Variants in NCAM2 observed in about 807,000 individuals in gnomAD.
NCAM2 encodes the protein neural cell adhesion molecule 2.
NCAM2 carries 30 observed loss-of-function variants against 98.1 expected under a neutral mutation model. The ratio of observed to expected loss-of-function variants is 0.31; its 90% CI spans 0.23 to 0.41. The LOEUF (loss-of-function observed/expected upper bound fraction) is 0.41, where lower values mean the gene tolerates loss of function less well. NCAM2 is among the 10% of genes least tolerant of loss of function. The pLI is 1.00. For synonymous variants in NCAM2, 368 were observed against 342.4 expected (o/e 1.07, Z -0.83); for missense variants, 867 against 1,005.8 (o/e 0.86, Z 1.87).
At chr21:21,461,743 G>C (rs1377196672) in intron 12 of NCAM2, among the ~76,000 whole-genome samples, 1 of 151,792 alleles carries the variant, frequency 6.6e-6, no homozygotes, top group Non-Finnish European at 1.5e-5. Context: ...TATTATGCAA[G>C]TAATGAGAAC....
chr21:21,053,998 C>T (rs895556281), intron 1 of NCAM2, among the ~76,000 whole-genome samples: 3 of 150,620 alleles, frequency 2.0e-5, no homozygotes, highest in South Asian at 2.1e-4. Context: ...TTATGATTTC[C>T]GTGTAAGTTT....
chr21:21,481,417 G>T (rs1005126905), intron 15 of NCAM2, among the ~76,000 whole-genome samples: 4 of 152,188 alleles, frequency 2.6e-5, no homozygotes, highest in African/African-American at 9.7e-5. Context: ...CTGCTGAAAG[G>T]TCAATGGAAC....
At chr21:21,316,694 C>A (rs2147754704) in intron 5 of NCAM2, among the ~76,000 whole-genome samples, 1 of 152,038 alleles carries the variant, frequency 6.6e-6, no homozygotes, top group East Asian at 1.9e-4. Context: ...CAGGTGCCTA[C>A]CACCACGCTC....
chr21:21,497,468 G>C (rs1987322405), intron 15 of NCAM2, among the ~76,000 whole-genome samples: 1 of 151,916 alleles, frequency 6.6e-6, no homozygotes, highest in South Asian at 2.1e-4. Context: ...TTCTTGCCCT[G>C]AATCAGATAT....
intron 9 of NCAM2, among the ~76,000 whole-genome samples, chr21:21,407,047 G>T (rs2076753304): frequency 1.3e-5 from 2 of 152,068 alleles, no homozygotes; most frequent in African/African-American, 4.8e-5. Flanking sequence ...AACCTTTCAT[G>T]ATGTAAAGGG....
At chr21:21,310,946 G>A (rs2074030379) in intron 5 of NCAM2, among the ~76,000 whole-genome samples, 1 of 152,178 alleles carries the variant, frequency 6.6e-6, no homozygotes, top group Admixed American at 6.5e-5. Context: ...AAGTCCCACA[G>A]TTGAGACCTA....
intron 12 of NCAM2, among the ~76,000 whole-genome samples, chr21:21,451,374 A>G (rs1243410828): frequency 6.6e-6 from 1 of 152,204 alleles, no homozygotes; most frequent in African/African-American, 2.4e-5. Context: ...AGAATCCACA[A>G]GCTTTTCTGG....
intron 11 of NCAM2, among the ~76,000 whole-genome samples, chr21:21,430,074 C>G (rs2077298099): frequency 6.6e-6 from 1 of 151,970 alleles, no homozygotes; most frequent in Non-Finnish European, 1.5e-5. Flanking sequence ...GTTGCCCAGG[C>G]TGGATTTGCA....
intron 16 of NCAM2, among the ~76,000 whole-genome samples, chr21:21,522,546 GACAA>G (rs1182440689): frequency 3.3e-5 from 5 of 150,540 alleles, no homozygotes; most frequent in Non-Finnish European, 3.0e-5. Flanking sequence ...TCCTTTCTCA[GACAA>G]ACAAAAATAG....
chr21:21,151,092 A>G (rs1301721787), intron 1 of NCAM2, among the ~76,000 whole-genome samples: 1 of 151,778 alleles, frequency 6.6e-6, no homozygotes, highest in Non-Finnish European at 1.5e-5. Flanking sequence ...TTTATTTTCC[A>G]GTGTTATTTA....
chr21:21,443,450 C>G (rs1373295625), intron 12 of NCAM2, among the ~76,000 whole-genome samples: 2 of 151,794 alleles, frequency 1.3e-5, no homozygotes, highest in East Asian at 1.9e-4. Context: ...TTCTTCTTCT[C>G]TTCCCTATTG....
In NCAM2 at chr21:21,373,924, A is replaced by T; in HGVS notation, c.1106A>T (p.Asp369Val). Reference protein sequence around the residue: ...QHGSSSLHIKDVKLSDSGRYD... With the variant: ...QHGSSSLHIKVVKLSDSGRYD... ...GGAAGCTCATCACTGCATATTAAAG[A>T]TGTGAAGTTGTCAGATTCAGGGAGA... is the stretch of plus-strand genomic sequence containing the variant. The change falls in exon 9 of 18, where the codon GAT becomes GTT. Residue 369 changes from aspartate to valine, a missense_variant. Asp to Val is a radical substitution (Grantham distance 152). Transcript: ENST00000400546. 6.2e-7 allele frequency: 1 copy of T among 1,611,224 alleles called. No individual in the cohort carries two copies. The highest frequency in any genetic ancestry group is 8.5e-7 in the Non-Finnish European group (1 of 1,178,288).
At chr21:21,036,621 G>A (rs900369819) in intron 1 of NCAM2, among the ~76,000 whole-genome samples, 13 of 152,220 alleles carry the variant, frequency 8.5e-5, no homozygotes, top group African/African-American at 2.7e-4. Context: ...TGGGGAAAGT[G>A]TAGATTAGGA....
chr21:21,132,653 G>A (rs1218767559), intron 1 of NCAM2, among the ~76,000 whole-genome samples: 2 of 151,812 alleles, frequency 1.3e-5, no homozygotes, highest in South Asian at 4.1e-4. Context: ...AGACTTTAAA[G>A]TAAAGTTCCT....
At chr21:21,333,220 A>C (rs2074764369) in intron 6 of NCAM2, among the ~76,000 whole-genome samples, 3 of 152,180 alleles carry the variant, frequency 2.0e-5, no homozygotes, top group Admixed American at 2.0e-4. Context: ...ATATTCCCTT[A>C]TTTATGATGG....
intron 1 of NCAM2, among the ~76,000 whole-genome samples, chr21:21,195,698 T>C (rs549239270): frequency 1.9e-4 from 29 of 152,366 alleles, no homozygotes; most frequent in African/African-American, 6.5e-4. Flanking sequence ...TTCTGATGTG[T>C]GTTTGATCAA....
chr21:21,031,171 A>T (rs1247506455), intron 1 of NCAM2, among the ~76,000 whole-genome samples: 1 of 152,052 alleles, frequency 6.6e-6, no homozygotes, highest in Non-Finnish European at 1.5e-5. Flanking sequence ...ATAAATAATT[A>T]TCTCTGTTGA....
chr21:21,322,564 TA>T (rs1446160718), intron 5 of NCAM2, among the ~76,000 whole-genome samples: 2 of 152,180 alleles, frequency 1.3e-5, no homozygotes, highest in African/African-American at 4.8e-5. Context: ...GCTTTATATT[TA>T]AAACAGAATT....
intron 1 of NCAM2, among the ~76,000 whole-genome samples, chr21:21,125,916 C>A (rs2066811840): frequency 6.6e-6 from 1 of 151,410 alleles, no homozygotes; most frequent in Non-Finnish European, 1.5e-5. Flanking sequence ...GCAAATAACT[C>A]ATTCCTTTCT....
Sources: allele counts gnomAD v4.1 joint callset (sites outside exome capture counted in the v4.1 genomes callset), GRCh38; gene constraint gnomAD v4.1.1; transcripts MANE v1.5; gene names NCBI Gene and HGNC (gene_info 2026-07-23, HGNC 2026-07-21).